Variants in C1orf87 observed in about 807,000 individuals in gnomAD.
C1orf87 encodes the protein uncharacterized protein C1orf87.
A neutral mutation model predicts 60.5 loss-of-function variants in C1orf87; 58 were observed. The observed-to-expected ratio is 0.96, with a 90% CI of 0.78 to 1.19. The LOEUF (loss-of-function observed/expected upper bound fraction) is 1.19, where lower values mean the gene tolerates loss of function less well. C1orf87 is among the 50% of genes most tolerant of loss of function. C1orf87 has a pLI of 0.00. For synonymous variants in C1orf87, 236 were observed against 227.4 expected (o/e 1.04, Z -0.34); for missense variants, 673 against 638.6 (o/e 1.05, Z -0.58).
intron 8 of C1orf87, 31 bp downstream of exon 8, chr1:60,025,366 TACAA>T (rs1645191749): frequency 1.3e-6 from 2 of 1,521,282 alleles, no homozygotes; most frequent in South Asian, 2.3e-5. Context: ...GGGTGGTGGA[TACAA>T]ACATTCAGTT....
At chr1:60,042,456 A>T (rs1161641827) in intron 3 of C1orf87, among the ~76,000 whole-genome samples, 1 of 152,214 alleles carries the variant, frequency 6.6e-6, no homozygotes, top group East Asian at 1.9e-4. Flanking sequence ...TGAATAACCT[A>T]TCAGTATGAA....
chr1:60,043,174 G>A (rs1431535957), intron 3 of C1orf87, among the ~76,000 whole-genome samples: 1 of 152,124 alleles, frequency 6.6e-6, no homozygotes, highest in Non-Finnish European at 1.5e-5. Flanking sequence ...AGAGAGAGAG[G>A]CAGGAGAAAG....
At chr1:60,062,786 T>G (rs915113760) in intron 2 of C1orf87, among the ~76,000 whole-genome samples, 6 of 152,294 alleles carry the variant, frequency 3.9e-5, no homozygotes, top group African/African-American at 1.2e-4. Flanking sequence ...TGTATTATAT[T>G]TTTTAAACTA....
chr1:59,996,461 A>G (rs1223972978), intron 11 of C1orf87, among the ~76,000 whole-genome samples: 3 of 152,246 alleles, frequency 2.0e-5, no homozygotes, highest in Middle Eastern at 6.8e-3. Flanking sequence ...TCCTCTACTT[A>G]GAAACTCTCC....
chr1:60,018,401 A>G (rs1348070117), intron 8 of C1orf87, among the ~76,000 whole-genome samples: 1 of 152,218 alleles, frequency 6.6e-6, no homozygotes, highest in Admixed American at 6.5e-5. Flanking sequence ...TCTGATCTGC[A>G]CAAAAACAGT....
intron 8 of C1orf87, among the ~76,000 whole-genome samples, chr1:60,014,543 A>C (rs111254657): frequency 1.2e-4 from 18 of 152,272 alleles, no homozygotes; most frequent in Middle Eastern, 6.8e-3. Flanking sequence ...TATATTAAAA[A>C]AAACAAACAA....
rs1574315667 is a variant in C1orf87 at position 60,040,081 on chromosome 1, A to G, written c.583T>C (p.Leu195=). The change falls in exon 5 of 12, where the codon TTA becomes CTA. Residue 195 remains leucine (L), a synonymous_variant. Coordinates refer to ENST00000371201, the MANE Select transcript of C1orf87 (RefSeq NM_152377.3). ...TTCAGCTCTTTCTGAAGCTTTTCTA[A>G]TAAGTTGGAACTCAAAGGACGTGAC... The part of the protein sequence containing the change: ...LKSRPLSSNL[L]EKLQKELKIL... 1.9e-6 allele frequency: 3 copies of G among 1,614,244 alleles called. No homozygotes were observed. The highest frequency in any genetic ancestry group is 2.5e-6 in the Non-Finnish European group (3 of 1,180,028).
chr1:59,993,827 C>T (rs755777357), intron 11 of C1orf87, among the ~76,000 whole-genome samples: 31 of 150,920 alleles, frequency 2.1e-4, no homozygotes, highest in Admixed American at 1.7e-3. Context: ...GGCATGATCC[C>T]GGTTCACTGC....
intron 9 of C1orf87, among the ~76,000 whole-genome samples, chr1:60,004,303 C>T (rs146779397): frequency 1.3e-5 from 2 of 152,056 alleles, no homozygotes; most frequent in East Asian, 1.9e-4. Flanking sequence ...AAAAAACCTA[C>T]GTAAAATACC....
chr1:60,062,365 A>G (rs1557480698), intron 2 of C1orf87, among the ~76,000 whole-genome samples: 1 of 152,204 alleles, frequency 6.6e-6, no homozygotes, highest in East Asian at 1.9e-4. Context: ...ATACCCATCC[A>G]TAATCATTTC....
At chr1:60,003,215 A>T (rs563385644) in intron 9 of C1orf87, among the ~76,000 whole-genome samples, 1 of 147,404 alleles carries the variant, frequency 6.8e-6, no homozygotes, top group Non-Finnish European at 1.5e-5. Flanking sequence ...GTAAACTATC[A>T]CAAGAACAAA....
At chr1:60,033,445 A>G (rs1645253234) in intron 7 of C1orf87, 31 bp downstream of exon 7, 2 of 1,602,794 alleles carry the variant, frequency 1.2e-6, no homozygotes, top group East Asian at 4.5e-5. Flanking sequence ...GCCTTTACAG[A>G]GGAACAAATC....
intron 9 of C1orf87, among the ~76,000 whole-genome samples, chr1:60,003,433 G>A (rs537562426): frequency 1.3e-5 from 2 of 151,846 alleles, no homozygotes; most frequent in Non-Finnish European, 2.9e-5. Context: ...TAACTAACCT[G>A]CACAATGTGC....
At chr1:60,044,366 G>A (rs1645350872) in intron 3 of C1orf87, among the ~76,000 whole-genome samples, 1 of 152,150 alleles carries the variant, frequency 6.6e-6, no homozygotes, top group Admixed American at 6.5e-5. Flanking sequence ...ATGGAAAGAG[G>A]AAAATACACT....
Position 60,008,971 on chromosome 1 carries a change from G to A in C1orf87, c.1192+1421C>T, listed in dbSNP as rs1404557900. 6 of 201,708 alleles carry A rather than the reference G, an allele frequency of 3.0e-5. No individual in the cohort carries two copies. The East Asian group carries it at 8.7e-4, about 29-fold the overall frequency. The allele number at this position is 201,708 out of a possible 1,614,324, so 12.5% of individuals were successfully genotyped here. On this transcript the variant is annotated intron_variant, in intron 9 of 11. Transcript: ENST00000371201. ...ATACCCCTTCCTCTATGTTCCCTTA[G>A]CCTTAAGGTGGTAGCTGCTTTCTAC...
Position 59,990,599 on chromosome 1 carries a change from G to A in C1orf87, c.*74C>T. ...GACAATGCCTCCGCCACTACACTTA[G>A]GCTGGGGAGAAACATGTGTCTGGGT... is the stretch of plus-strand genomic sequence containing the variant. On this transcript the variant is annotated 3_prime_UTR_variant, in exon 12 of 12. Coordinates refer to ENST00000371201, the MANE Select transcript of C1orf87 (RefSeq NM_152377.3). 6.4e-7 allele frequency: 1 copy of A among 1,551,168 alleles called. No homozygotes were observed. Among genetic ancestry groups the A allele is most frequent in the Non-Finnish European group, 8.8e-7 (1 of 1,136,374 alleles).
At chr1:60,009,937 A>G (rs1325417948) in intron 9 of C1orf87, among the ~76,000 whole-genome samples, 1 of 151,868 alleles carries the variant, frequency 6.6e-6, no homozygotes. Context: ...CCCACGAAGG[A>G]TCTTTCTGCT....
chr1:60,025,301 G>T, intron 8 of C1orf87, 100 bp downstream of exon 8: 1 of 919,680 alleles, frequency 1.1e-6, no homozygotes, highest in Non-Finnish European at 1.7e-6. Context: ...TCCCAAACCA[G>T]TCTCCAAAAA....
Position 60,033,504 on chromosome 1 carries a change from G to T in C1orf87, c.1001C>A (p.Ser334Ter), listed in dbSNP as rs761286133. The change falls in exon 7 of 12, where the codon TCG becomes TAG. Residue 334 changes from serine (S) to a stop codon, truncating the protein, a stop_gained. Coordinates refer to ENST00000371201, the MANE Select transcript of C1orf87 (RefSeq NM_152377.3). LOFTEE classifies it high-confidence loss of function. ...AGGTAGAGGGAGGCAGCCAGAGAAC[G>T]AGCGATCTTCTTTTCGAAAACTCAG... ...LNLSFRKEDR[S>*]FSGCLPLPKV... 3.1e-6 allele frequency: 5 copies of T among 1,613,772 alleles called. No individual in the cohort carries two copies. The African/African-American group carries it at 5.3e-5, about 17-fold the overall frequency.
Sources: gnomAD v4.1 joint callset for allele counts (sites outside exome capture counted in the v4.1 genomes callset) on GRCh38, gnomAD v4.1.1 for gene constraint, MANE v1.5 for transcripts, NCBI Gene and HGNC (gene_info 2026-07-23, HGNC 2026-07-21) for gene names.